The following MALSU1 variants were observed in gnomAD, a reference collection of about 807,000 sequenced individuals.
MALSU1 encodes mitochondrial assembly of ribosomal large subunit protein 1.
A neutral mutation model predicts 22.1 loss-of-function variants in MALSU1; 22 were observed. That is an observed-to-expected ratio of 1.00 (90% CI 0.71 to 1.42). The LOEUF is 1.42. MALSU1 is among the 40% of genes most tolerant of loss of function. MALSU1 has a pLI of 0.00. For missense variants in MALSU1, 379 were observed against 308.3 expected (o/e 1.23, Z -1.72); for synonymous variants, 153 against 118.5 (o/e 1.29, Z -1.89).
chr7:23,307,644 CA>C, intron 2 of MALSU1: 1 of 452,916 alleles, frequency 2.2e-6, no homozygotes, highest in Non-Finnish European at 3.9e-6. Flanking sequence ...GTGACCCTCT[CA>C]GAAGGGCTGG....
At chr7:23,309,205 T>C (rs181877638) in intron 3 of MALSU1, 151 bp from the exon 4 acceptor site, 256 of 629,342 alleles carry the variant, frequency 4.1e-4, no homozygotes, top group African/African-American at 3.3e-3. Context: ...CTGTGGTATT[T>C]TTGCTGGGAT....
rs565744828 is a variant in MALSU1, at chr7:23,300,521, G to A, written c.257-318G>A. The stretch of plus-strand genomic sequence containing the variant: ...CTGTTTTTCTTTGCACAGCATTTCT[G>A]TGATTGTGGTGTATTGCTCCTTTTA... On this transcript the variant is annotated intron_variant, in intron 1 of 3. Coordinates refer to ENST00000466681, the MANE Select transcript of MALSU1 (RefSeq NM_138446.2). Among the ~76,000 whole-genome samples the A allele has an allele frequency of 1.2e-3, 189 of 152,262 alleles. 4 individuals are homozygous for A. Among genetic ancestry groups the A allele is most frequent in the African/African-American group, 4.4e-3 (184 of 41,562 alleles).
At position 23,311,192 on chromosome 7, in the gene MALSU1, G is replaced by A. The variant is rs2128490259; in HGVS notation, c.*1649G>A. 6.6e-6 allele frequency: 1 copy of A among 152,162 alleles called. No individual in the cohort carries two copies. The highest frequency in any genetic ancestry group is 2.4e-5 in the African/African-American group (1 of 41,498). The allele number at this position is 152,162 out of a possible 1,614,324, so 9.4% of individuals were successfully genotyped here. A position where few individuals can be genotyped will look rare whatever the true frequency, so the allele number is the denominator to read the frequency against. On this transcript the variant is annotated 3_prime_UTR_variant, in exon 4 of 4. Transcript: ENST00000466681. ...GGCTCATGACAGTGCTGGCCCCATGGAAATGTAGCCTTTTGTTGCGTTTAA... is the reference window on the plus strand; with the variant it reads ...GGCTCATGACAGTGCTGGCCCCATGAAAATGTAGCCTTTTGTTGCGTTTAA...
rs1783820039 is a variant in MALSU1 at position 23,311,270 on chromosome 7, C to CT, written c.*1728dup. On this transcript the variant is annotated 3_prime_UTR_variant, in exon 4 of 4. Transcript: ENST00000466681. ...CATTGGTCTGAAGTGTAGTGGCAAA[C>CT]TAAGCATCCTATAAGACAAGCTAAA... 1 of 152,496 alleles carries CT rather than the reference C, an allele frequency of 6.6e-6. No individual in the cohort carries two copies. Among genetic ancestry groups the CT allele is most frequent in the Admixed American group, 6.5e-5 (1 of 15,284 alleles). The allele number at this position is 152,496 out of a possible 1,614,324, so 9.4% of individuals were successfully genotyped here.
intron 2 of MALSU1, among the ~76,000 whole-genome samples, chr7:23,307,141 T>G (rs1043613375): frequency 6.6e-6 from 1 of 152,218 alleles, no homozygotes; most frequent in African/African-American, 2.4e-5. Context: ...CCCAGTTGTT[T>G]GGTGTACAGT....
chr7:23,300,708 C>A, intron 1 of MALSU1, 131 bp from the exon 2 acceptor site: 2 of 745,008 alleles, frequency 2.7e-6, no homozygotes, highest in Non-Finnish European at 4.5e-6. Context: ...GAGGCCTTTA[C>A]CCTGCTATCT....
In MALSU1 at chr7:23,299,607, A is replaced by G. The variant is rs1457785603; in HGVS notation, c.255A>G (p.Ala85=). ...VNEGRPESDA[A]DHTGPKFDID... ...AGGGACGCCCAGAATCGGACGCGGC[A>G]GGTACGGGCGTGGAGAAGAACGAAG... is the stretch of plus-strand genomic sequence containing the variant. The change falls in exon 1 of 4, where the codon GCA becomes GCG. Residue 85 remains alanine, a splice_region_variant and synonymous_variant. Coordinates refer to ENST00000466681, the MANE Select transcript of MALSU1 (RefSeq NM_138446.2). 1.3e-5 allele frequency: 21 copies of G among 1,575,756 alleles called. No individual in the cohort carries two copies. The highest frequency in any genetic ancestry group is 1.8e-5 in the Non-Finnish European group (21 of 1,161,058).
rs375085279 is a variant in MALSU1 at position 23,299,560 on chromosome 7, C to A, written c.208C>A (p.Arg70=). Residue 70 remains arginine, a synonymous_variant, in exon 1 of 4, where the codon CGG becomes AGG. Coordinates refer to ENST00000466681, the MANE Select transcript of MALSU1 (RefSeq NM_138446.2). The part of the protein sequence containing the change: ...GLHSEPGLEE[R]AEGTVNEGRP... ...GCACAGCGAGCCTGGGCTGGAGGAG[C>A]GGGCGGAGGGGACGGTCAACGAGGG... The A allele has an allele frequency of 1.2e-6, 2 of 1,609,048 alleles. No homozygotes were observed. Among genetic ancestry groups the A allele is most frequent in the East Asian group, 2.2e-5 (1 of 44,608 alleles).
At position 23,309,855 on chromosome 7, in the gene MALSU1, C is replaced by T. The variant is rs1390841687; in HGVS notation, c.*312C>T. 5.8e-6 allele frequency: 1 copy of T among 171,752 alleles called. No individual in the cohort carries two copies. Among genetic ancestry groups the T allele is most frequent in the Non-Finnish European group, 1.2e-5 (1 of 81,410 alleles). 10.6% of individuals were successfully genotyped at this position (171,752 alleles called of 1,614,324 possible). A position where few individuals can be genotyped will look rare whatever the true frequency, so the allele number is the denominator to read the frequency against. On this transcript the variant is annotated 3_prime_UTR_variant, in exon 4 of 4. Transcript: ENST00000466681. ...TCAGATTTTTATTAATTTAATTTAG[C>T]TTAAATGTAAATCTTAACCCTGTTT...
Position 23,299,490 on chromosome 7 carries a change from A to G in MALSU1, c.138A>G (p.Ala46=), listed in dbSNP as rs766719915. Residue 46 remains alanine, a synonymous_variant, in exon 1 of 4, where the codon GCA becomes GCG. Coordinates refer to ENST00000466681, the MANE Select transcript of MALSU1 (RefSeq NM_138446.2). ...CCGTGCAGCGGCTTCCCGTAGGAGC[A>G]GCGTTCTGCCGGGCTTGCCAGACCC... ...LLAVQRLPVG[A]AFCRACQTPN... The G allele has an allele frequency of 6.2e-7, 1 of 1,611,590 alleles. No individual in the cohort carries two copies. Among genetic ancestry groups the G allele is most frequent in the Non-Finnish European group, 8.5e-7 (1 of 1,179,818 alleles).
chr7:23,299,808 T>C (rs1254212390), intron 1 of MALSU1, among the ~76,000 whole-genome samples, 200 bp downstream of exon 1: 1 of 152,278 alleles, frequency 6.6e-6, no homozygotes, highest in Non-Finnish European at 1.5e-5. Flanking sequence ...GGGCAAGAGA[T>C]GAACTGCAGA....
chr7:23,300,774 C>T (rs1467311440), intron 1 of MALSU1, 65 bp from the exon 2 acceptor site: 5 of 1,379,348 alleles, frequency 3.6e-6, no homozygotes, highest in East Asian at 2.3e-5. Context: ...CTGCCGGCAT[C>T]TCTGGGTGCA....
chr7:23,307,791 C>CA (rs535472095), intron 2 of MALSU1, 77 bp from the exon 3 acceptor site: 3,232 of 753,094 alleles, frequency 4.3e-3, no homozygotes, highest in Non-Finnish European at 5.0e-3. Flanking sequence ...AACAAACAAA[C>CA]AAAAAAAAAA....
Position 23,311,518 on chromosome 7 carries a change from A to C in MALSU1, c.*1975A>C, listed in dbSNP as rs1394862893. ...TTTCCCAACTATAAATGAAAGAATA[A>C]ATGGTAGTGCTGCTCTCCAGATACT... On this transcript the variant is annotated 3_prime_UTR_variant, in exon 4 of 4. Coordinates refer to ENST00000466681, the MANE Select transcript of MALSU1 (RefSeq NM_138446.2). 7 of 152,346 alleles carry C rather than the reference A, an allele frequency of 4.6e-5. No homozygotes were observed. Among genetic ancestry groups the C allele is most frequent in the Admixed American group, 2.0e-4 (3 of 15,278 alleles). The allele number at this position is 152,346 out of a possible 1,614,324, so 9.4% of individuals were successfully genotyped here.
intron 1 of MALSU1, 86 bp from the exon 2 acceptor site, chr7:23,300,749 TGGAG>T: frequency 8.8e-7 from 1 of 1,135,088 alleles, no homozygotes; most frequent in Non-Finnish European, 1.3e-6. Flanking sequence ...AACACCCTCA[TGGAG>T]GAACAGTCAG....
At chr7:23,304,120 A>G (rs752602622) in intron 2 of MALSU1, among the ~76,000 whole-genome samples, 7 of 151,290 alleles carry the variant, frequency 4.6e-5, no homozygotes, top group Non-Finnish European at 8.8e-5. Context: ...AAAAAAAAAA[A>G]TTGTTTATGT....
Position 23,307,950 on chromosome 7 carries a change from G to C in MALSU1, c.517+1G>C, listed in dbSNP as rs745891677. 3.7e-6 allele frequency: 6 copies of C among 1,610,006 alleles called. No homozygotes were observed. The highest frequency in any genetic ancestry group is 5.1e-6 in the Non-Finnish European group (6 of 1,176,372). On this transcript the variant is annotated splice_donor_variant, in intron 3 of 3. Coordinates refer to ENST00000466681, the MANE Select transcript of MALSU1 (RefSeq NM_138446.2). LOFTEE classifies it high-confidence loss of function. The stretch of plus-strand genomic sequence containing the variant: ...GATGACTGGCTGTGCGTGGATTTTG[G>C]TAAGTTATTCTGGCGTATTTTACAG...
chr7:23,307,923 C>G lies in MALSU1; in HGVS notation c.491C>G (p.Thr164Ser). 6.2e-7 allele frequency: 1 copy of G among 1,613,860 alleles called. No individual in the cohort carries two copies. Among genetic ancestry groups the G allele is most frequent in the East Asian group, 2.2e-5 (1 of 44,880 alleles). Residue 164 changes from threonine to serine, a missense_variant, in exon 3 of 4, where the codon ACT (threonine) becomes AGT (serine). Physicochemically the swap from Thr to Ser is moderately conservative, Grantham distance 58. Coordinates refer to ENST00000466681, the MANE Select transcript of MALSU1 (RefSeq NM_138446.2). The part of the protein sequence containing the change: ...DPHVKIEGKD[T>S]DDWLCVDFGS... ...CATGTTAAGATAGAAGGGAAGGACA[C>G]TGATGACTGGCTGTGCGTGGATTTT...
rs991496520 is a variant in MALSU1 at position 23,310,334 on chromosome 7, T to C, written c.*791T>C. Reference sequence around the variant, plus strand: ...AGTACAAAACTCAATTATAGAATTATTTCTTAGCTAGTACCAGATACTCCA... The same window carrying C: ...AGTACAAAACTCAATTATAGAATTACTTCTTAGCTAGTACCAGATACTCCA... On this transcript the variant is annotated 3_prime_UTR_variant, in exon 4 of 4. Transcript: ENST00000466681. 6.6e-6 allele frequency: 1 copy of C among 152,242 alleles called. No individual in the cohort carries two copies. Among genetic ancestry groups the C allele is most frequent in the African/African-American group, 2.4e-5 (1 of 41,470 alleles). 9.4% of individuals were successfully genotyped at this position (152,242 alleles called of 1,614,324 possible). A position where few individuals can be genotyped will look rare whatever the true frequency, so the allele number is the denominator to read the frequency against.
Sources: allele counts gnomAD v4.1 joint callset (sites outside exome capture counted in the v4.1 genomes callset), GRCh38; gene constraint gnomAD v4.1.1; transcripts MANE v1.5; gene names NCBI Gene and HGNC (gene_info 2026-07-23, HGNC 2026-07-21).